The following PLEKHA2 variants were observed in gnomAD, a reference collection of about 807,000 sequenced individuals.
PLEKHA2 encodes pleckstrin homology domain containing A2, also known as pleckstrin homology domain-containing family A member 2.
In PLEKHA2, 28 loss-of-function variants were observed where a neutral mutation model predicts 53.2. The observed-to-expected ratio is 0.53, with a 90% CI of 0.39 to 0.72. The LOEUF (loss-of-function observed/expected upper bound fraction) is 0.72, where lower values mean the gene tolerates loss of function less well. PLEKHA2 is among the 30% of genes least tolerant of loss of function. PLEKHA2 has a pLI of 0.00. For synonymous variants in PLEKHA2, 193 were observed against 196.4 expected (o/e 0.98, Z 0.14); for missense variants, 426 against 537.9 (o/e 0.79, Z 2.06).
At position 38,969,871 on chromosome 8, in the gene PLEKHA2, A is replaced by T. The variant is rs1835214189; in HGVS notation, c.*88A>T. 1.1e-5 allele frequency: 16 copies of T among 1,511,842 alleles called. No homozygotes were observed. Among genetic ancestry groups the T allele is most frequent in the Non-Finnish European group, 1.3e-5 (15 of 1,133,042 alleles). 93.7% of individuals were successfully genotyped at this position (1,511,842 alleles called of 1,614,324 possible). A position where few individuals can be genotyped will look rare whatever the true frequency, so the allele number is the denominator to read the frequency against. ...CAGTTTCTCTACCTTGTTGGAGGGT[A>T]GTCAGAGGCCTTTATGTCACTCATA... On this transcript the variant is annotated 3_prime_UTR_variant, in exon 12 of 12. Coordinates refer to ENST00000617275, the MANE Select transcript of PLEKHA2 (RefSeq NM_021623.2).
chr8:38,970,225 A>C lies in PLEKHA2; in HGVS notation c.*442A>C, dbSNP rs1835222040. On this transcript the variant is annotated 3_prime_UTR_variant, in exon 12 of 12. Coordinates refer to ENST00000617275, the MANE Select transcript of PLEKHA2 (RefSeq NM_021623.2). ...TCCAGGTGCCTCGCAGCTCTTTTGG[A>C]ATGGGCCAGCATTAGTCTAATTTTA... 2.3e-6 allele frequency: 1 copy of C among 427,798 alleles called. No homozygotes were observed. Among genetic ancestry groups the C allele is most frequent in the Non-Finnish European group, 4.1e-6 (1 of 246,884 alleles). 26.5% of individuals were successfully genotyped at this position (427,798 alleles called of 1,614,324 possible). A position where few individuals can be genotyped will look rare whatever the true frequency, so the allele number is the denominator to read the frequency against.
At chr8:38,956,014 A>G (rs117324651) in intron 9 of PLEKHA2, among the ~76,000 whole-genome samples, 5,419 of 152,154 alleles carry the variant, frequency 0.036, 139 homozygotes, top group Non-Finnish European at 0.052. Flanking sequence ...AAGGTTCACC[A>G]TGTTGTCCAG....
intron 2 of PLEKHA2, among the ~76,000 whole-genome samples, chr8:38,920,465 A>G (rs546057470): frequency 1.3e-5 from 2 of 151,414 alleles, no homozygotes; most frequent in East Asian, 3.9e-4. Context: ...AGTAGAGACA[A>G]GGTTTTACCA....
In PLEKHA2 at chr8:38,945,850, G is replaced by A. The variant is rs566801554; in HGVS notation, c.248-274G>A. On this transcript the variant is annotated intron_variant, in intron 4 of 11. Transcript: ENST00000617275. ...ACGGCAGACCAGCAGCCTCATCACC[G>A]CAGAACAGCACACTGAGGCTGCTGT... Among the ~76,000 whole-genome samples the A allele has an allele frequency of 3.1e-3, 472 of 152,302 alleles. 3 individuals carry two copies. Among genetic ancestry groups the A allele is most frequent in the African/African-American group, 0.011 (449 of 41,556 alleles).
chr8:38,946,055 T>G, intron 4 of PLEKHA2, 69 bp from the exon 5 acceptor site: 3 of 1,265,306 alleles, frequency 2.4e-6, no homozygotes, highest in Non-Finnish European at 3.4e-6. Context: ...CTTAGCTTTG[T>G]GGAGACTTGT....
chr8:38,968,526 C>A, intron 10 of PLEKHA2, 66 bp from the exon 11 acceptor site: 6 of 1,489,568 alleles, frequency 4.0e-6, no homozygotes, highest in South Asian at 1.1e-5. Flanking sequence ...AATATTGAGT[C>A]AGAGACTTGG....
chr8:38,912,432 A>G (rs1833967538), intron 1 of PLEKHA2, among the ~76,000 whole-genome samples: 1 of 152,216 alleles, frequency 6.6e-6, no homozygotes, highest in African/African-American at 2.4e-5. Context: ...ATATATATGT[A>G]CACCAAGTTG....
intron 5 of PLEKHA2, 57 bp downstream of exon 5, chr8:38,946,278 T>C (rs1226577987): frequency 2.1e-6 from 3 of 1,445,158 alleles, no homozygotes; most frequent in African/African-American, 1.4e-5. Context: ...TCCCAGGCTA[T>C]GGCCTTGTTG....
chr8:38,908,078 C>T (rs1291916315), intron 1 of PLEKHA2, among the ~76,000 whole-genome samples: 7 of 152,168 alleles, frequency 4.6e-5, no homozygotes, highest in Non-Finnish European at 8.8e-5. Context: ...CTCCACTGGG[C>T]GTTCCTGTCA....
intron 2 of PLEKHA2, among the ~76,000 whole-genome samples, chr8:38,928,593 A>G (rs1422404453): frequency 2.0e-5 from 3 of 152,180 alleles, no homozygotes; most frequent in Non-Finnish European, 4.4e-5. Context: ...GAAGACGGAA[A>G]TAAAGGGAAT....
intron 1 of PLEKHA2, among the ~76,000 whole-genome samples, chr8:38,912,849 A>G (rs1833974048): frequency 6.6e-6 from 1 of 150,432 alleles, no homozygotes; most frequent in Non-Finnish European, 1.5e-5. Flanking sequence ...CCTTCCCCCC[A>G]CCTCCCACAT....
intron 2 of PLEKHA2, 78 bp from the exon 3 acceptor site, chr8:38,935,916 C>T: frequency 2.9e-6 from 4 of 1,402,904 alleles, no homozygotes; most frequent in Non-Finnish European, 4.0e-6. Context: ...GTGGCATAAA[C>T]AGAGCTAGAA....
intron 3 of PLEKHA2, among the ~76,000 whole-genome samples, chr8:38,942,254 A>G (rs1042864789): frequency 3.9e-5 from 6 of 152,220 alleles, no homozygotes; most frequent in Non-Finnish European, 7.4e-5. Flanking sequence ...AAATGGAAAA[A>G]TTAGCTGGGT....
chr8:38,923,396 G>A (rs746295992), intron 2 of PLEKHA2, among the ~76,000 whole-genome samples: 1 of 152,164 alleles, frequency 6.6e-6, no homozygotes, highest in South Asian at 2.1e-4. Flanking sequence ...TAGTAGAGAT[G>A]GGGTTTCACT....
rs544728554 is a variant in PLEKHA2 at position 38,959,051 on chromosome 8, G to A, written c.837+1665G>A. Reference sequence around the variant, plus strand: ...GCAAATTGAGAAAAAAATTTAGGAGGTCAAGTGATCCTAGCAGGAAATGCA... The same window carrying A: ...GCAAATTGAGAAAAAAATTTAGGAGATCAAGTGATCCTAGCAGGAAATGCA... On this transcript the variant is annotated intron_variant, in intron 10 of 11. Coordinates refer to ENST00000617275, the MANE Select transcript of PLEKHA2 (RefSeq NM_021623.2). Among the ~76,000 whole-genome samples, 4 of 152,194 alleles carry A rather than the reference G, an allele frequency of 2.6e-5. No homozygotes were observed. The South Asian group carries it at 8.3e-4, about 32-fold the overall frequency.
chr8:38,959,910 A>C (rs970407893), intron 10 of PLEKHA2, among the ~76,000 whole-genome samples: 1 of 152,182 alleles, frequency 6.6e-6, no homozygotes, highest in Admixed American at 6.5e-5. Flanking sequence ...TTCAGAGTTT[A>C]CAGTGCCTGC....
rs1180278288 is a variant in PLEKHA2, at chr8:38,969,652, C to T, written c.1147C>T (p.Pro383Ser). Residue 383 changes from proline to serine, a missense_variant, in exon 12 of 12, where the codon CCT becomes TCT. By Grantham distance (74) the Pro-to-Ser change is moderately conservative. Coordinates refer to ENST00000617275, the MANE Select transcript of PLEKHA2 (RefSeq NM_021623.2). ...TSEDSLFTPR[P>S]GEGSAPGVLP... Reference sequence around the variant, plus strand: ...AGAGGACTCCTTGTTCACGCCTCGTCCTGGGGAGGGCAGCGCTCCTGGGGT... The same window carrying T: ...AGAGGACTCCTTGTTCACGCCTCGTTCTGGGGAGGGCAGCGCTCCTGGGGT... 1.3e-6 allele frequency: 2 copies of T among 1,596,986 alleles called. No individual in the cohort carries two copies. The highest frequency in any genetic ancestry group is 2.3e-5 in the South Asian group (2 of 88,394).
intron 6 of PLEKHA2, 111 bp from the exon 7 acceptor site, chr8:38,952,055 T>C: frequency 7.4e-7 from 1 of 1,351,624 alleles, no homozygotes; most frequent in Admixed American, 2.3e-5. Flanking sequence ...CACCATTTAT[T>C]TCTTCTTTGA....
chr8:38,963,317 C>G (rs922223427), intron 10 of PLEKHA2, among the ~76,000 whole-genome samples: 1 of 152,170 alleles, frequency 6.6e-6, no homozygotes, highest in Non-Finnish European at 1.5e-5. Context: ...ATGACCTTGG[C>G]ACTTCCTTTT....
Sources: allele counts gnomAD v4.1 joint callset (sites outside exome capture counted in the v4.1 genomes callset), GRCh38; gene constraint gnomAD v4.1.1; transcripts MANE v1.5; gene names NCBI Gene and HGNC (gene_info 2026-07-23, HGNC 2026-07-21).